Variants in C8B observed in about 807,000 individuals in gnomAD.
C8B encodes the protein complement component C8 beta chain.
A neutral mutation model predicts 64.6 loss-of-function variants in C8B; 67 were observed. The ratio of observed to expected loss-of-function variants is 1.04; its 90% CI spans 0.85 to 1.27. C8B has a LOEUF of 1.27. Ranked by LOEUF, C8B falls within the 50% of genes most tolerant of loss-of-function variation. C8B has a pLI of 0.00. For missense variants in C8B, 790 were observed against 725.2 expected (o/e 1.09, Z -1.03); for synonymous variants, 284 against 257.7 (o/e 1.10, Z -0.98).
chr1:56,954,842 G>C lies in C8B; in HGVS notation c.392-15C>G. 1.9e-6 allele frequency: 3 copies of C among 1,614,108 alleles called. No individual in the cohort carries two copies. The highest frequency in any genetic ancestry group is 1.7e-6 in the Non-Finnish European group (2 of 1,179,972). On this transcript the variant is annotated splice_polypyrimidine_tract_variant and intron_variant, in intron 3 of 11. Transcript: ENST00000371237. ...TACACACCTTCCTAGAATGGAGAAA[G>C]AGTATTACCCACAGCCACATGGTTG...
chr1:56,965,183 A>C (rs1270419568), intron 1 of C8B, among the ~76,000 whole-genome samples: 2 of 152,212 alleles, frequency 1.3e-5, no homozygotes, highest in Non-Finnish European at 2.9e-5. Flanking sequence ...GCACACTTCA[A>C]CATCTCATGG....
intron 9 of C8B, among the ~76,000 whole-genome samples, chr1:56,938,745 G>T (rs187525192): frequency 3.6e-4 from 55 of 152,296 alleles, no homozygotes; most frequent in South Asian, 1.9e-3. Flanking sequence ...TTAAGCCTTG[G>T]TTGAAACTAT....
rs761814695 is a variant in C8B, at chr1:56,929,572, G to C, written c.1622-14C>G. The C allele has an allele frequency of 1.9e-6, 3 of 1,613,120 alleles. No homozygotes were observed. Among genetic ancestry groups the C allele is most frequent in the African/African-American group, 2.7e-5 (2 of 74,892 alleles). On this transcript the variant is annotated splice_polypyrimidine_tract_variant and intron_variant, in intron 11 of 11. Coordinates refer to ENST00000371237, the MANE Select transcript of C8B (RefSeq NM_000066.4). ...CAATGGGGGTATCTATAAGAAAGAAGGTCAATAAGCATCAATCAGCACTTC... is the reference window on the plus strand; with the variant it reads ...CAATGGGGGTATCTATAAGAAAGAACGTCAATAAGCATCAATCAGCACTTC...
At chr1:56,964,689 A>G (rs963325949) in intron 1 of C8B, among the ~76,000 whole-genome samples, 1 of 152,206 alleles carries the variant, frequency 6.6e-6, no homozygotes. Context: ...TTGTAACGGT[A>G]CACATAGCAT....
At chr1:56,930,410 C>T (rs927773747) in intron 11 of C8B, among the ~76,000 whole-genome samples, 4 of 152,160 alleles carry the variant, frequency 2.6e-5, no homozygotes, top group Non-Finnish European at 5.9e-5. Context: ...AATAACTGGG[C>T]CTCTCCATTT....
At chr1:56,955,746 A>C (rs976092005) in intron 3 of C8B, among the ~76,000 whole-genome samples, 1 of 152,240 alleles carries the variant, frequency 6.6e-6, no homozygotes, top group Non-Finnish European at 1.5e-5. Context: ...AGAATTTTGC[A>C]TTTGCAATAA....
chr1:56,942,921 A>G (rs1644884905), intron 8 of C8B, among the ~76,000 whole-genome samples: 1 of 151,120 alleles, frequency 6.6e-6, no homozygotes, highest in South Asian at 2.1e-4. Context: ...AATAAAATAA[A>G]ATAAAATAAA....
In C8B at chr1:56,943,816, G is replaced by T. The variant is rs914981104; in HGVS notation, c.1114C>A (p.Leu372Ile). 6.2e-7 allele frequency: 1 copy of T among 1,613,998 alleles called. No homozygotes were observed. Among genetic ancestry groups the T allele is most frequent in the Non-Finnish European group, 8.5e-7 (1 of 1,179,928 alleles). Residue 372 changes from leucine to isoleucine, a missense_variant, in exon 8 of 12, where the codon CTT becomes ATT. Transcript: ENST00000371237. ...TTGGCACAGGCATGGACGTTGTTAA[G>T]AGTATAATCTGAAGAAAACAAGGAA... ...KEAMERGDYT[L>I]NNVHACAKND...
chr1:56,934,859 C>T (rs1644753860), intron 9 of C8B, among the ~76,000 whole-genome samples: 1 of 152,180 alleles, frequency 6.6e-6, no homozygotes, highest in Non-Finnish European at 1.5e-5. Context: ...CCTCCAACAT[C>T]TGATTTTGCT....
chr1:56,956,658 G>T, intron 3 of C8B, 111 bp downstream of exon 3: 1 of 1,186,066 alleles, frequency 8.4e-7, no homozygotes, highest in Non-Finnish European at 1.2e-6. Context: ...GAGGCCTCCT[G>T]AGCTGCCCCA....
chr1:56,957,005 G>A (rs552338985), intron 2 of C8B, 95 bp from the exon 3 acceptor site: 3 of 1,405,232 alleles, frequency 2.1e-6, no homozygotes, highest in East Asian at 4.6e-5. Flanking sequence ...GCCAGGATTT[G>A]GGCTTCACAA....
intron 2 of C8B, 34 bp downstream of exon 2, chr1:56,959,986 G>C (rs1645154073): frequency 6.2e-7 from 1 of 1,613,692 alleles, no homozygotes; most frequent in East Asian, 2.2e-5. Context: ...AAGGCTCCTG[G>C]AAGCTTAGAG....
intron 8 of C8B, among the ~76,000 whole-genome samples, chr1:56,941,502 ATAGATACATAGATAG>A (rs1394980817): frequency 9.3e-4 from 29 of 31,196 alleles, no homozygotes; most frequent in African/African-American, 3.2e-3. Context: ...TAGTAGATAG[ATAGATACATAGATAG>A]ATAGATAGAT....
At chr1:56,953,534 G>A (rs1645056678) in intron 4 of C8B, among the ~76,000 whole-genome samples, 1 of 152,196 alleles carries the variant, frequency 6.6e-6, no homozygotes. Context: ...GGAACAATGG[G>A]TGGACTGGAC....
At chr1:56,936,791 C>T (rs1644782703) in intron 9 of C8B, among the ~76,000 whole-genome samples, 3 of 152,052 alleles carry the variant, frequency 2.0e-5, no homozygotes, top group Admixed American at 2.0e-4. Context: ...ATGGTTTTCA[C>T]CATGTTGGCC....
chr1:56,953,657 A>G (rs891011137), intron 4 of C8B, among the ~76,000 whole-genome samples: 10 of 152,190 alleles, frequency 6.6e-5, no homozygotes, highest in Non-Finnish European at 2.9e-5. Flanking sequence ...CAGCACTTTG[A>G]AAGAAGCATG....
At chr1:56,936,101 C>A (rs575304139) in intron 9 of C8B, among the ~76,000 whole-genome samples, 1 of 152,322 alleles carries the variant, frequency 6.6e-6, no homozygotes, top group East Asian at 1.9e-4. Context: ...CTTCAAATAA[C>A]AAACTAAGAC....
chr1:56,946,486 C>A (rs904430589), intron 6 of C8B, among the ~76,000 whole-genome samples: 2 of 152,190 alleles, frequency 1.3e-5, no homozygotes, highest in Non-Finnish European at 2.9e-5. Context: ...GCTATGACAG[C>A]GTATGGCAGG....
rs75090967 is a variant in C8B, at chr1:56,945,077, C to A, written c.1105+744G>T. ...TGCTATGTAAAGTATGGTCTATTGG[C>A]CAGCAGCATCAGGGTCACTCCAAAG... On this transcript the variant is annotated intron_variant, in intron 7 of 11. Coordinates refer to ENST00000371237, the MANE Select transcript of C8B (RefSeq NM_000066.4). Among the ~76,000 whole-genome samples the A allele has an allele frequency of 7.9e-4, 121 of 152,204 alleles. 1 individual carries two copies. The East Asian group carries it at 0.022, about 28-fold the overall frequency.
Sources: gnomAD v4.1 joint callset for allele counts (sites outside exome capture counted in the v4.1 genomes callset) on GRCh38, gnomAD v4.1.1 for gene constraint, MANE v1.5 for transcripts, NCBI Gene and HGNC (gene_info 2026-07-23, HGNC 2026-07-21) for gene names.